The following NFIA variants were observed in gnomAD, a reference collection of about 807,000 sequenced individuals.
NFIA encodes the protein nuclear factor I A, also known as nuclear factor 1 A-type.
NFIA carries 8 observed loss-of-function variants against 62.8 expected under a neutral mutation model. That is an observed-to-expected ratio of 0.13 (90% CI 0.07 to 0.23). The LOEUF is 0.23. Among genes scored for constraint, NFIA ranks in the 10% least tolerant of loss-of-function variants. NFIA has a pLI of 1.00. For missense variants in NFIA, 410 were observed against 642.1 expected (o/e 0.64, Z 3.91); for synonymous variants, 235 against 238.1 (o/e 0.99, Z 0.12).
At position 61,327,032 on chromosome 1, in the gene NFIA, A is replaced by T. The variant is rs559296379; in HGVS notation, c.626-5480A>T. 2.1e-4 allele frequency among the ~76,000 whole-genome samples: 10 copies of T among 46,786 alleles called. No individual in the cohort carries two copies. In the East Asian group the frequency reaches 0.011, roughly 52 times the overall value. The allele number at this position is 46,786 out of a possible 152,430, so 30.7% of individuals were successfully genotyped here. ...AAGCATTCTTTCTTTTTAAAAGAAA[A>T]AAAAATATATATATATGATATGTAT... On this transcript the variant is annotated intron_variant, in intron 3 of 10. Transcript: ENST00000403491.
intron 7 of NFIA, among the ~76,000 whole-genome samples, chr1:61,389,493 G>C (rs944927176): frequency 8.5e-5 from 13 of 152,154 alleles, no homozygotes; most frequent in African/African-American, 3.1e-4. Context: ...TTGACAGTTA[G>C]CAACATATTC....
At chr1:61,196,222 G>A (rs1450288448) in intron 2 of NFIA, among the ~76,000 whole-genome samples, 1 of 152,130 alleles carries the variant, frequency 6.6e-6, no homozygotes, top group Non-Finnish European at 1.5e-5. Flanking sequence ...CTCAAGTAGG[G>A]AATCAATACC....
chr1:61,325,865 G>A (rs1053013854), intron 3 of NFIA, among the ~76,000 whole-genome samples: 6 of 142,874 alleles, frequency 4.2e-5, no homozygotes, highest in South Asian at 4.4e-4. Context: ...ACCCAGAGGC[G>A]GAGCTTGCAG....
In NFIA at chr1:61,187,971, C is replaced by T. The variant is rs531020859; in HGVS notation, c.560-89549C>T. Among the ~76,000 whole-genome samples the T allele has an allele frequency of 3.4e-4, 51 of 152,142 alleles. 1 individual carries two copies. In the South Asian group the frequency reaches 0.01, roughly 31 times the overall value. On this transcript the variant is annotated intron_variant, in intron 2 of 10. Transcript: ENST00000403491. ...TTTGCCTCCTGCTTGAGGTGGACTC[C>T]GTGTTCCCAGAGATGTTGGGCCTGG...
At chr1:61,108,828 C>T (rs1247693261) in intron 2 of NFIA, among the ~76,000 whole-genome samples, 1 of 151,654 alleles carries the variant, frequency 6.6e-6, no homozygotes, top group Admixed American at 6.6e-5. Context: ...TAATTGAAAC[C>T]TCAGATTCTC....
intron 2 of NFIA, among the ~76,000 whole-genome samples, chr1:61,111,860 T>G (rs185011452): frequency 3.0e-4 from 46 of 152,280 alleles, no homozygotes; most frequent in Non-Finnish European, 5.3e-4. Flanking sequence ...TGATGGTATT[T>G]GTAAAAATGT....
chr1:61,241,354 A>G (rs916932790), intron 2 of NFIA, among the ~76,000 whole-genome samples: 3 of 152,088 alleles, frequency 2.0e-5, no homozygotes, highest in South Asian at 2.1e-4. Context: ...CTTTCGTGCA[A>G]TGTATTTAAG....
chr1:61,159,492 G>C (rs1044281910), intron 2 of NFIA, among the ~76,000 whole-genome samples: 2 of 152,094 alleles, frequency 1.3e-5, no homozygotes, highest in Admixed American at 6.5e-5. Context: ...AGACATCCCT[G>C]CTGTAGAACC....
intron 2 of NFIA, among the ~76,000 whole-genome samples, chr1:61,167,379 C>A (rs1000403998): frequency 1.3e-5 from 2 of 152,072 alleles, no homozygotes; most frequent in Non-Finnish European, 2.9e-5. Context: ...TTTGTAGAGT[C>A]ATTATGATAT....
chr1:61,286,712 T>A (rs1432643166), intron 3 of NFIA, among the ~76,000 whole-genome samples: 1 of 152,166 alleles, frequency 6.6e-6, no homozygotes, highest in African/African-American at 2.4e-5. Flanking sequence ...TTAATACACA[T>A]GTCACATGCC....
chr1:61,129,480 C>T (rs2100487042), intron 2 of NFIA, among the ~76,000 whole-genome samples: 1 of 139,020 alleles, frequency 7.2e-6, no homozygotes, highest in Non-Finnish European at 1.5e-5. Flanking sequence ...GATGGAGTCT[C>T]ACTCTGTCGC....
upstream of NFIA, chr1:61,082,143 G>T: frequency 1.1e-6 from 1 of 948,834 alleles, no homozygotes; most frequent in Non-Finnish European, 1.5e-6. Context: ...TAGCTGCCCG[G>T]GAGTACAGAC....
intron 3 of NFIA, among the ~76,000 whole-genome samples, chr1:61,329,312 C>G (rs1182889521): frequency 6.6e-6 from 1 of 151,704 alleles, no homozygotes; most frequent in African/African-American, 2.4e-5. Flanking sequence ...TCCCAAAGTG[C>G]TGGGATTACA....
At chr1:61,292,661 CA>C (rs1658965530) in intron 3 of NFIA, among the ~76,000 whole-genome samples, 1 of 152,086 alleles carries the variant, frequency 6.6e-6, no homozygotes, top group African/African-American at 2.4e-5. Flanking sequence ...CAAGAAGCAA[CA>C]AAAGTAAAGT....
chr1:61,243,927 A>G (rs1256367336), intron 2 of NFIA, among the ~76,000 whole-genome samples: 2 of 152,030 alleles, frequency 1.3e-5, no homozygotes, highest in Admixed American at 6.6e-5. Context: ...TCTTTAGGAA[A>G]TTTTTTCTAT....
At chr1:61,406,813 G>A in intron 9 of NFIA, 86 bp downstream of exon 9, 1 of 1,375,616 alleles carries the variant, frequency 7.3e-7, no homozygotes, top group African/African-American at 1.5e-5. Flanking sequence ...TCACTGTATA[G>A]GCTCTAGAAA....
chr1:61,429,595 T>G (rs548561810), intron 10 of NFIA, among the ~76,000 whole-genome samples: 1 of 152,330 alleles, frequency 6.6e-6, no homozygotes, highest in African/African-American at 2.4e-5. Context: ...CAAGCAAAGT[T>G]TCAAAGAGAT....
intron 1 of NFIA, among the ~76,000 whole-genome samples, chr1:61,083,465 C>T (rs1460448409): frequency 6.6e-6 from 1 of 152,070 alleles, no homozygotes; most frequent in Non-Finnish European, 1.5e-5. Context: ...GCTCCCGTCC[C>T]GGCCCCGGCC....
At chr1:61,190,375 A>C (rs1419984241) in intron 2 of NFIA, among the ~76,000 whole-genome samples, 1 of 152,240 alleles carries the variant, frequency 6.6e-6, no homozygotes, top group East Asian at 1.9e-4. Context: ...ACATTATGCC[A>C]GGCATGGATT....
Sources: gnomAD v4.1 joint callset for allele counts (sites outside exome capture counted in the v4.1 genomes callset) on GRCh38, gnomAD v4.1.1 for gene constraint, MANE v1.5 for transcripts, NCBI Gene and HGNC (gene_info 2026-07-23, HGNC 2026-07-21) for gene names.